Variants in KCNT2 observed in about 807,000 individuals in gnomAD.
KCNT2 encodes potassium channel subfamily T member 2.
Under a neutral mutation model 153.8 loss-of-function variants are expected in KCNT2, and 67 were observed. That is an observed-to-expected ratio of 0.44 (90% confidence interval 0.36 to 0.53). The LOEUF (loss-of-function observed/expected upper bound fraction) is 0.53. KCNT2 is among the 20% of genes least tolerant of loss of function. The pLI, the probability that KCNT2 is intolerant of heterozygous loss-of-function variation, is 0.00. For synonymous variants in KCNT2, 500 were observed against 458.8 expected (o/e 1.09, Z -1.15); for missense variants, 975 against 1,354.8 (o/e 0.72, Z 4.40).
chr1:196,307,203 G>A (rs187691827), intron 21 of KCNT2, among the ~76,000 whole-genome samples: 1 of 152,098 alleles, frequency 6.6e-6, no homozygotes, highest in East Asian at 1.9e-4. Flanking sequence ...GAAGCTAGTG[G>A]CTACATACAA....
intron 20 of KCNT2, among the ~76,000 whole-genome samples, chr1:196,318,495 G>A (rs767425917): frequency 1.3e-5 from 2 of 151,718 alleles, no homozygotes; most frequent in Non-Finnish European, 2.9e-5. Context: ...TATATGGGAC[G>A]TTTATTCTTT....
chr1:196,317,288 A>G (rs1273212930), intron 20 of KCNT2: 1 of 452,846 alleles, frequency 2.2e-6, no homozygotes, highest in East Asian at 7.0e-5. Context: ...ACAGAATGTT[A>G]TTCCAAATAA....
Position 196,350,861 on chromosome 1 carries a change from A to G in KCNT2, c.1404-8633T>C, listed in dbSNP as rs1171651725. On this transcript the variant is annotated intron_variant, in intron 14 of 27. Transcript: ENST00000294725. ...GGTCTAACGTTTAAGTCTTTAATCC[A>G]TCTTGAATTAATTTTTGTATAAGGT... is the stretch of plus-strand genomic sequence containing the variant. Among the ~76,000 whole-genome samples the G allele has an allele frequency of 2.8e-5, 4 of 144,734 alleles. No homozygotes were observed. The South Asian group carries it at 6.7e-4, about 24-fold the overall frequency. 95.0% of individuals were successfully genotyped at this position (144,734 alleles called of 152,430 possible).
At chr1:196,309,969 A>G (rs1490355342) in intron 21 of KCNT2, among the ~76,000 whole-genome samples, 2 of 151,900 alleles carry the variant, frequency 1.3e-5, no homozygotes, top group Non-Finnish European at 2.9e-5. Flanking sequence ...GGAGATGTGT[A>G]AAATATCTAT....
intron 12 of KCNT2, among the ~76,000 whole-genome samples, chr1:196,418,397 C>T (rs1351629169): frequency 6.6e-6 from 1 of 151,978 alleles, no homozygotes; most frequent in Admixed American, 6.6e-5. Context: ...ACCCAGAAGG[C>T]GGAGGTTGCA....
chr1:196,410,722 A>C (rs978611616), intron 12 of KCNT2, among the ~76,000 whole-genome samples: 5 of 151,018 alleles, frequency 3.3e-5, no homozygotes, highest in Non-Finnish European at 7.4e-5. Flanking sequence ...AAAAAAAAAA[A>C]AAACTTGTCT....
intron 4 of KCNT2, among the ~76,000 whole-genome samples, chr1:196,480,930 T>C (rs1372378955): frequency 6.7e-6 from 1 of 150,310 alleles, no homozygotes; most frequent in Admixed American, 6.6e-5. Flanking sequence ...AAAAAGCAAT[T>C]TGAATAGATC....
At chr1:196,272,494 A>C (rs1025904888) in intron 25 of KCNT2, among the ~76,000 whole-genome samples, 1 of 151,852 alleles carries the variant, frequency 6.6e-6, no homozygotes, top group African/African-American at 2.4e-5. Flanking sequence ...AGTGTTACCC[A>C]ATAAATATTT....
intron 1 of KCNT2, among the ~76,000 whole-genome samples, chr1:196,578,121 C>T (rs779117593): frequency 2.6e-5 from 4 of 151,920 alleles, no homozygotes; most frequent in Non-Finnish European, 5.9e-5. Flanking sequence ...AAGAAAAGTG[C>T]TATTGATATT....
Position 196,447,796 on chromosome 1 carries a change from C to T in KCNT2, c.638+17497G>A, listed in dbSNP as rs115914924. Among the ~76,000 whole-genome samples, 757 of 137,832 alleles carry T rather than the reference C, an allele frequency of 5.5e-3. 6 individuals carry two copies. The highest frequency in any genetic ancestry group is 0.018 in the African/African-American group (728 of 40,746). 90.4% of individuals were successfully genotyped at this position (137,832 alleles called of 152,430 possible). The stretch of plus-strand genomic sequence containing the variant: ...TCTGGAAAGACAGAAGAATTAACAA[C>T]GTTTTTTTGGACTGCTGCAGTTATC... On this transcript the variant is annotated intron_variant, in intron 8 of 27. Transcript: ENST00000294725.
intron 10 of KCNT2, among the ~76,000 whole-genome samples, chr1:196,427,396 G>C (rs912067498): frequency 6.6e-6 from 1 of 152,004 alleles, no homozygotes; most frequent in Non-Finnish European, 1.5e-5. Flanking sequence ...TTGTCTTGAA[G>C]TCTGGAGTTA....
intron 14 of KCNT2, among the ~76,000 whole-genome samples, chr1:196,357,973 C>A (rs1667307039): frequency 6.6e-6 from 1 of 151,718 alleles, no homozygotes; most frequent in South Asian, 2.1e-4. Flanking sequence ...TTTGGCAGTG[C>A]TAAGTATCTA....
chr1:196,470,299 A>G (rs1677977151), intron 5 of KCNT2, among the ~76,000 whole-genome samples: 1 of 152,198 alleles, frequency 6.6e-6, no homozygotes, highest in Admixed American at 6.5e-5. Flanking sequence ...AGAACTTTTT[A>G]AACTGAAGAG....
intron 14 of KCNT2, among the ~76,000 whole-genome samples, chr1:196,360,583 A>G (rs1385065984): frequency 6.6e-6 from 1 of 152,084 alleles, no homozygotes; most frequent in Admixed American, 6.6e-5. Flanking sequence ...AGATGTGATT[A>G]AATTGAGACT....
At chr1:196,418,001 C>G (rs1023517924) in intron 12 of KCNT2, among the ~76,000 whole-genome samples, 14 of 152,110 alleles carry the variant, frequency 9.2e-5, no homozygotes, top group Non-Finnish European at 2.1e-4. Flanking sequence ...TTTGTTAAAT[C>G]AATCTTCAGT....
chr1:196,382,829 A>G (rs1485604088), intron 13 of KCNT2, among the ~76,000 whole-genome samples: 1 of 152,146 alleles, frequency 6.6e-6, no homozygotes, highest in Non-Finnish European at 1.5e-5. Context: ...ACAAAAAAAC[A>G]CAACGTTAAG....
intron 16 of KCNT2, among the ~76,000 whole-genome samples, chr1:196,338,948 CAAAAA>C (rs976388530): frequency 5.8e-4 from 22 of 37,730 alleles, no homozygotes; most frequent in East Asian, 1.3e-3. Flanking sequence ...TGCTTTTTAG[CAAAAA>C]AAAAAAAAAA....
intron 1 of KCNT2, among the ~76,000 whole-genome samples, chr1:196,526,411 G>A (rs1357725325): frequency 6.6e-6 from 1 of 150,710 alleles, no homozygotes; most frequent in Admixed American, 6.6e-5. Flanking sequence ...CATACATACA[G>A]TATTACTCGC....
intron 19 of KCNT2, among the ~76,000 whole-genome samples, 161 bp from the exon 20 acceptor site, chr1:196,319,716 T>C (rs1050996589): frequency 2.0e-5 from 3 of 151,844 alleles, no homozygotes; most frequent in Non-Finnish European, 4.4e-5. Context: ...CTAGAAAATG[T>C]CATTTGCACT....
Sources: gnomAD v4.1 joint callset for allele counts (sites outside exome capture counted in the v4.1 genomes callset) on GRCh38, gnomAD v4.1.1 for gene constraint, MANE v1.5 for transcripts, NCBI Gene and HGNC (gene_info 2026-07-23, HGNC 2026-07-21) for gene names.